The following PTPRB variants were observed in gnomAD, a reference collection of about 807,000 sequenced individuals.
The protein encoded by PTPRB is receptor-type tyrosine-protein phosphatase beta.
PTPRB carries 97 observed loss-of-function variants against 238.1 expected under a neutral mutation model. The observed-to-expected ratio is 0.41, with a 90% CI of 0.35 to 0.48. The LOEUF is 0.48. Among genes scored for constraint, PTPRB ranks in the 20% least tolerant of loss-of-function variants. The pLI, the probability that PTPRB is intolerant of heterozygous loss-of-function variation, is 0.30. For missense variants in PTPRB, 2,292 were observed against 2,681.9 expected, an observed-to-expected ratio of 0.85 and a Z score of 3.21; for synonymous variants, 970 against 995.4, an observed-to-expected ratio of 0.97 and a Z score of 0.48.
rs774853081 is a variant in PTPRB, at chr12:70,571,074, T to A, written c.3322A>T (p.Thr1108Ser). The A allele has an allele frequency of 6.2e-7, 1 of 1,613,986 alleles. No individual in the cohort carries two copies. Among genetic ancestry groups the A allele is most frequent in the Non-Finnish European group, 8.5e-7 (1 of 1,179,884 alleles). The change falls in exon 13 of 34, where the codon ACG becomes TCG. Residue 1108 changes from threonine to serine, a missense_variant. Coordinates refer to ENST00000334414, the MANE Select transcript of PTPRB (RefSeq NM_001109754.4). ...PGRQYKILVL[T>S]ISGDVQQSAF... is the part of the protein sequence containing the mutation. Reference sequence around the variant, plus strand: ...GACTGCTGTACATCCCCGCTAATCGTCAAGACAAGAATTTTGTATTGGCGG... The same window carrying A: ...GACTGCTGTACATCCCCGCTAATCGACAAGACAAGAATTTTGTATTGGCGG...
chr12:70,566,882 T>G (rs886148400), intron 14 of PTPRB, among the ~76,000 whole-genome samples, 178 bp from the exon 15 acceptor site: 6 of 152,234 alleles, frequency 3.9e-5, no homozygotes, highest in Non-Finnish European at 8.8e-5. Flanking sequence ...ATTTGTTGGC[T>G]TAACCTGTCT....
intron 2 of PTPRB, among the ~76,000 whole-genome samples, chr12:70,623,548 T>C (rs762600347): frequency 6.6e-6 from 1 of 152,282 alleles, no homozygotes; most frequent in Admixed American, 6.5e-5. Context: ...AGAGCACAAG[T>C]GAAGCACTGA....
intron 32 of PTPRB, 108 bp from the exon 33 acceptor site, chr12:70,524,699 C>A: frequency 3.4e-6 from 4 of 1,165,786 alleles, no homozygotes; most frequent in Non-Finnish European, 4.6e-6. Context: ...TAGCAAATTT[C>A]TTGAACATCG....
chr12:70,609,818 G>T (rs1278293276), intron 3 of PTPRB: 2 of 1,581,104 alleles, frequency 1.3e-6, no homozygotes, highest in Non-Finnish European at 1.7e-6. Flanking sequence ...TCAGCATTGC[G>T]CTCAGTAGTT....
intron 4 of PTPRB, among the ~76,000 whole-genome samples, chr12:70,606,043 C>G (rs1211511349): frequency 6.6e-6 from 1 of 152,126 alleles, no homozygotes; most frequent in Admixed American, 6.6e-5. Context: ...CCAAGTAAAC[C>G]TGAGAATTGC....
chr12:70,622,519 G>A lies in PTPRB; in HGVS notation c.579C>T (p.Ile193=). The change falls in exon 3 of 34, where the codon ATC becomes ATT. Residue 193 remains isoleucine, a synonymous_variant. Coordinates refer to ENST00000334414, the MANE Select transcript of PTPRB (RefSeq NM_001109754.4). ...GGCTGTAGTTTTCTGCAGCATTTCT[G>A]ATGAAGGCCTCTGTGGTATTCCTAA... is the stretch of plus-strand genomic sequence containing the variant. ...FLIRNTTEAF[I]RNAAENYSQN... The A allele has an allele frequency of 1.9e-6, 3 of 1,613,030 alleles. No homozygotes were observed. Among genetic ancestry groups the A allele is most frequent in the Non-Finnish European group, 2.5e-6 (3 of 1,179,394 alleles).
intron 31 of PTPRB, among the ~76,000 whole-genome samples, chr12:70,533,035 T>A (rs552127662): frequency 6.6e-6 from 1 of 152,206 alleles, no homozygotes; most frequent in Non-Finnish European, 1.5e-5. Context: ...TTAAAACATG[T>A]GTTGCAAAGA....
chr12:70,541,773 T>C (rs1041470849), intron 22 of PTPRB: 1 of 152,242 alleles, frequency 6.6e-6, no homozygotes, highest in Non-Finnish European at 1.5e-5. Flanking sequence ...GGTTCATCCA[T>C]GTTATAGCAT....
chr12:70,570,102 A>G (rs1414584074), intron 13 of PTPRB, among the ~76,000 whole-genome samples, 164 bp from the exon 14 acceptor site: 3 of 152,120 alleles, frequency 2.0e-5, no homozygotes, highest in African/African-American at 7.2e-5. Context: ...TGTGTGAACT[A>G]AAGTTGATGG....
In PTPRB at chr12:70,635,735, G is replaced by C. The variant is rs894755538; in HGVS notation, c.387C>G (p.Ser129Arg). Residue 129 changes from serine (S) to arginine (R), a missense_variant, in exon 2 of 34, where the codon AGC becomes AGG. This residue lies in a region of PTPRB where 1,205 missense variants were observed against 1,287.8 expected (regional missense o/e 0.94). Transcript: ENST00000334414. The stretch of plus-strand genomic sequence containing the variant: ...CCTTGTTGACATCTATTTTCATCCA[G>C]CTATGGAGGTATTTCCTGGCCTTCT... ...VVKKARKYLH[S>R]WMKIDVNKEG... 7.4e-6 allele frequency: 12 copies of C among 1,613,742 alleles called. No individual in the cohort carries two copies. The African/African-American group carries it at 1.6e-4, about 22-fold the overall frequency.
chr12:70,520,092 A>G lies in PTPRB; in HGVS notation c.*1397T>C. On this transcript the variant is annotated 3_prime_UTR_variant, in exon 34 of 34. Transcript: ENST00000334414. ...TCAACAAACTTGACCTCTAATTCCCAAGTTTATTACAGAAAAATTTGTAGT... is the reference window on the plus strand; with the variant it reads ...TCAACAAACTTGACCTCTAATTCCCGAGTTTATTACAGAAAAATTTGTAGT... 2.7e-6 allele frequency: 1 copy of G among 373,374 alleles called. No individual in the cohort carries two copies. The highest frequency in any genetic ancestry group is 2.0e-5 in the South Asian group (1 of 49,542). 23.1% of individuals were successfully genotyped at this position (373,374 alleles called of 1,614,324 possible).
Position 70,596,449 on chromosome 12 carries a change from C to T in PTPRB, c.980-122G>A. On this transcript the variant is annotated intron_variant, in intron 4 of 33. Coordinates refer to ENST00000334414, the MANE Select transcript of PTPRB (RefSeq NM_001109754.4). ...TTTACTGCAGTCCAGGTTCATTTTTCTCAAAAATCTGTTATTTGTGAAATA... is the reference window on the plus strand; with the variant it reads ...TTTACTGCAGTCCAGGTTCATTTTTTTCAAAAATCTGTTATTTGTGAAATA... 3.8e-6 allele frequency: 4 copies of T among 1,059,942 alleles called. No individual in the cohort carries two copies. In the Admixed American group the frequency reaches 1.2e-4, roughly 33 times the overall value. The allele number at this position is 1,059,942 out of a possible 1,614,324, so 65.7% of individuals were successfully genotyped here. A position where few individuals can be genotyped will look rare whatever the true frequency, so the allele number is the denominator to read the frequency against.
intron 26 of PTPRB, 105 bp downstream of exon 26, chr12:70,539,520 T>A: frequency 1.1e-6 from 1 of 890,884 alleles, no homozygotes; most frequent in Non-Finnish European, 1.8e-6. Flanking sequence ...CTAAGCAGCC[T>A]CCTAACTTCT....
intron 11 of PTPRB, among the ~76,000 whole-genome samples, chr12:70,574,300 G>A (rs1880449063): frequency 6.6e-6 from 1 of 152,156 alleles, no homozygotes; most frequent in Non-Finnish European, 1.5e-5. Flanking sequence ...ATCCTTTGTT[G>A]CCTTGTGTTT....
At position 70,635,764 on chromosome 12, in the gene PTPRB, C is replaced by T. The variant is rs1324955460; in HGVS notation, c.358G>A (p.Val120Ile). 2 of 1,613,886 alleles carry T rather than the reference C, an allele frequency of 1.2e-6. No individual in the cohort carries two copies. Among genetic ancestry groups the T allele is most frequent in the Admixed American group, 1.7e-5 (1 of 59,982 alleles). Residue 120 changes from valine to isoleucine, a missense_variant, in exon 2 of 34, where the codon GTC (valine) becomes ATC (isoleucine). Around this residue, in one of 4 missense-constraint regions of PTPRB, gnomAD observed 1,205 missense variants for 1,287.8 expected, o/e 0.94. Coordinates refer to ENST00000334414, the MANE Select transcript of PTPRB (RefSeq NM_001109754.4). ...FLQKQGSRVV[V>I]KKARKYLHSW... is the part of the protein sequence containing the mutation. ...TGGAGGTATTTCCTGGCCTTCTTGA[C>T]CACTACTCTGGAGCCTTGTTTCTGG...
At chr12:70,537,447 T>A (rs1334884298) in intron 28 of PTPRB, among the ~76,000 whole-genome samples, 1 of 152,196 alleles carries the variant, frequency 6.6e-6, no homozygotes, top group African/African-American at 2.4e-5. Context: ...CCATTGCCTT[T>A]TCTTGCCTCA....
At position 70,576,401 on chromosome 12, in the gene PTPRB, G is replaced by T. The variant is rs763497780; in HGVS notation, c.2823C>A (p.Ser941=). 2.7e-5 allele frequency: 43 copies of T among 1,612,052 alleles called. No individual in the cohort carries two copies. The Admixed American group carries it at 4.8e-4, about 18-fold the overall frequency. The change falls in exon 11 of 34, where the codon TCC becomes TCA. Residue 941 remains serine (S), a synonymous_variant. Coordinates refer to ENST00000334414, the MANE Select transcript of PTPRB (RefSeq NM_001109754.4). ...TTRSGKYENH[S]FSQERTVPDK... is the part of the protein sequence containing the mutation. ...CCTTACCTGTCCGCTCTTGGCTGAAGGAGTGATTTTCATACTTGCCACTCC... is the reference window on the plus strand; with the variant it reads ...CCTTACCTGTCCGCTCTTGGCTGAATGAGTGATTTTCATACTTGCCACTCC...
intron 24 of PTPRB, 43 bp downstream of exon 24, chr12:70,539,896 A>G: frequency 6.3e-7 from 1 of 1,579,586 alleles, no homozygotes; most frequent in Non-Finnish European, 8.7e-7. Context: ...TTCACATAAT[A>G]CCATCTTTCA....
At chr12:70,626,292 CATCCATCTATCTATCTATCT>C (rs752420387) in intron 2 of PTPRB, among the ~76,000 whole-genome samples, 1,173 of 115,794 alleles carry the variant, frequency 0.01, 20 homozygotes, top group African/African-American at 0.019. Context: ...GATGTCTATC[CATCCATCTATCTATCTATCT>C]ATCTATCTAT....
Sources: gnomAD v4.1 joint callset for allele counts (sites outside exome capture counted in the v4.1 genomes callset) on GRCh38, gnomAD v4.1.1 for gene constraint, gnomAD v4.1.1 regional missense constraint, MANE v1.5 for transcripts, NCBI Gene and HGNC (gene_info 2026-07-23, HGNC 2026-07-21) for gene names.